The following C8orf34 variants were observed in gnomAD, a reference collection of about 807,000 sequenced individuals.
C8orf34 encodes chromosome 8 open reading frame 34.
Under a neutral mutation model 68.3 loss-of-function variants are expected in C8orf34, and 65 were observed. The ratio of observed to expected loss-of-function variants is 0.95; its 90% CI spans 0.78 to 1.17. The LOEUF is 1.17. Ranked by LOEUF, C8orf34 falls within the 50% of genes most tolerant of loss-of-function variation. The probability of loss-of-function intolerance (pLI) is 0.00; values close to 1 mark genes in which losing one functional copy is unlikely to be tolerated. For missense variants in C8orf34, 664 were observed against 655.4 expected, an observed-to-expected ratio of 1.01 and a Z score of -0.14; for synonymous variants, 244 against 241.2, an observed-to-expected ratio of 1.01 and a Z score of -0.11.
chr8:68,763,498 G>T (rs1312118075), intron 10 of C8orf34, among the ~76,000 whole-genome samples: 1 of 151,278 alleles, frequency 6.6e-6, no homozygotes, highest in East Asian at 1.9e-4. Flanking sequence ...TGTGTTTTTG[G>T]GTTACTCTCC....
intron 7 of C8orf34, among the ~76,000 whole-genome samples, chr8:68,623,515 G>A (rs1213986159): frequency 6.6e-6 from 1 of 152,148 alleles, no homozygotes; most frequent in Non-Finnish European, 1.5e-5. Flanking sequence ...CCACTGCCTT[G>A]GATGTTGTTT....
At chr8:68,608,303 G>C (rs7845972) in intron 7 of C8orf34, among the ~76,000 whole-genome samples, 1 of 151,426 alleles carries the variant, frequency 6.6e-6, no homozygotes, top group Non-Finnish European at 1.5e-5. Context: ...TAATAAAAGC[G>C]ATCTTCTAGG....
chr8:68,451,520 G>A (rs1043685388), intron 3 of C8orf34, among the ~76,000 whole-genome samples: 8 of 151,952 alleles, frequency 5.3e-5, no homozygotes, highest in Admixed American at 3.9e-4. Context: ...GCCATTGTAC[G>A]GTTTTAGATT....
intron 7 of C8orf34, among the ~76,000 whole-genome samples, chr8:68,548,816 A>G (rs902612992): frequency 5.3e-5 from 8 of 151,870 alleles, no homozygotes; most frequent in Admixed American, 4.6e-4. Flanking sequence ...GTATATTCAT[A>G]CAATAGAATA....
chr8:68,621,409 G>T (rs910297984), intron 7 of C8orf34, among the ~76,000 whole-genome samples: 7 of 152,142 alleles, frequency 4.6e-5, no homozygotes, highest in African/African-American at 1.7e-4. Context: ...TTAAGACACA[G>T]CATCAATACA....
intron 3 of C8orf34, among the ~76,000 whole-genome samples, chr8:68,448,412 G>T (rs1482554453): frequency 6.6e-6 from 1 of 152,070 alleles, no homozygotes; most frequent in African/African-American, 2.4e-5. Flanking sequence ...CAGATTTAGG[G>T]TTATTCTTTG....
At chr8:68,675,045 T>A (rs1820139279) in intron 8 of C8orf34, among the ~76,000 whole-genome samples, 1 of 152,020 alleles carries the variant, frequency 6.6e-6, no homozygotes, top group African/African-American at 2.4e-5. Context: ...TAGAATAATA[T>A]ATCTGGCAAA....
intron 12 of C8orf34, among the ~76,000 whole-genome samples, chr8:68,790,105 A>G (rs1176817159): frequency 6.6e-6 from 1 of 152,350 alleles, no homozygotes; most frequent in East Asian, 1.9e-4. Flanking sequence ...GATGCAAATA[A>G]GAGTAGCTTC....
At chr8:68,504,034 C>A (rs887033653) in intron 5 of C8orf34, among the ~76,000 whole-genome samples, 2 of 152,130 alleles carry the variant, frequency 1.3e-5, no homozygotes, top group African/African-American at 4.8e-5. Context: ...AAATTTAGAA[C>A]AATTTCATCA....
intron 9 of C8orf34, among the ~76,000 whole-genome samples, chr8:68,715,219 C>A (rs899379262): frequency 1.3e-5 from 2 of 151,728 alleles, no homozygotes; most frequent in African/African-American, 4.8e-5. Context: ...AGCTTAAAGA[C>A]GTCATGACCA....
At chr8:68,482,505 G>A (rs1237392332) in intron 4 of C8orf34, among the ~76,000 whole-genome samples, 2 of 152,136 alleles carry the variant, frequency 1.3e-5, no homozygotes, top group Non-Finnish European at 2.9e-5. Flanking sequence ...GAACTCCTGA[G>A]TTCAAGTGAT....
intron 12 of C8orf34, among the ~76,000 whole-genome samples, chr8:68,793,204 G>A (rs186320047): frequency 1.4e-4 from 22 of 152,096 alleles, no homozygotes; most frequent in African/African-American, 4.6e-4. Context: ...AAAACAACAA[G>A]AAAAAGCACA....
In C8orf34 at chr8:68,463,141, C is replaced by T. The variant is rs1373313176; in HGVS notation, c.608-5551C>T. On this transcript the variant is annotated intron_variant, in intron 3 of 13. Coordinates refer to ENST00000518698, the MANE Select transcript of C8orf34 (RefSeq NM_052958.4). Reference sequence around the variant, plus strand: ...CTGATCCCACAGAAATGCAAACTACCATGAGAGAATGCTACAAACACCTCT... The same window carrying T: ...CTGATCCCACAGAAATGCAAACTACTATGAGAGAATGCTACAAACACCTCT... Among the ~76,000 whole-genome samples the T allele has an allele frequency of 4.6e-5, 7 of 152,138 alleles. No homozygotes were observed. In the East Asian group the frequency reaches 1.4e-3, roughly 29 times the overall value.
chr8:68,747,394 G>A (rs1282021539), intron 10 of C8orf34, among the ~76,000 whole-genome samples: 6 of 150,064 alleles, frequency 4.0e-5, no homozygotes, highest in African/African-American at 1.5e-4. Context: ...GGGCAATTAG[G>A]CAGGAGAAGG....
intron 7 of C8orf34, among the ~76,000 whole-genome samples, chr8:68,601,360 CAT>C (rs1192195936): frequency 6.6e-6 from 1 of 151,966 alleles, no homozygotes; most frequent in Non-Finnish European, 1.5e-5. Flanking sequence ...CAACGGTACA[CAT>C]GTTAACTTTT....
rs747862590 is a variant in C8orf34, at chr8:68,575,956, G to GGTTT, written c.1105+42807_1105+42808insGTTT. Among the ~76,000 whole-genome samples the GGTTT allele has an allele frequency of 4.6e-4, 44 of 96,266 alleles. 2 individuals carry two copies. The highest frequency in any genetic ancestry group is 7.5e-4 in the East Asian group (2 of 2,656). The allele number at this position is 96,266 out of a possible 152,430, so 63.2% of individuals were successfully genotyped here. ...GCTGACATAATGCTAGTAGATGGTT[G>GGTTT]TTTTTTTTTTTTTTTTTTTTTGCCT... On this transcript the variant is annotated intron_variant, in intron 7 of 13. Coordinates refer to ENST00000518698, the MANE Select transcript of C8orf34 (RefSeq NM_052958.4).
At chr8:68,687,877 A>G (rs1820567712) in intron 8 of C8orf34, among the ~76,000 whole-genome samples, 2 of 152,156 alleles carry the variant, frequency 1.3e-5, no homozygotes, top group Admixed American at 6.6e-5. Context: ...ACAAAGGACT[A>G]GTATCCAGAA....
At chr8:68,371,320 A>G (rs1165920681) in intron 1 of C8orf34, among the ~76,000 whole-genome samples, 1 of 152,202 alleles carries the variant, frequency 6.6e-6, no homozygotes, top group Non-Finnish European at 1.5e-5. Flanking sequence ...CAATTCTATA[A>G]TTTGACAATT....
intron 2 of C8orf34, among the ~76,000 whole-genome samples, chr8:68,443,315 AG>A (rs771885687): frequency 2.1e-4 from 32 of 152,320 alleles, no homozygotes; most frequent in Non-Finnish European, 4.1e-4. Context: ...ATGAAACTGA[AG>A]GGGTTATAAT....
Sources: allele counts gnomAD v4.1 joint callset (sites outside exome capture counted in the v4.1 genomes callset), GRCh38; gene constraint gnomAD v4.1.1; transcripts MANE v1.5; gene names NCBI Gene and HGNC (gene_info 2026-07-23, HGNC 2026-07-21).